The following CCBE1 variants were observed in gnomAD, a reference collection of about 807,000 sequenced individuals.
The protein encoded by CCBE1 is collagen and calcium-binding EGF domain-containing protein 1.
A neutral mutation model predicts 50.0 loss-of-function variants in CCBE1; 37 were observed. The ratio of observed to expected loss-of-function variants is 0.74; its 90% CI spans 0.57 to 0.97. CCBE1 has a LOEUF of 0.97. Among genes scored for constraint, CCBE1 ranks in the 50% least tolerant of loss-of-function variants. The pLI, the probability that CCBE1 is intolerant of heterozygous loss-of-function variation, is 0.00. For synonymous variants in CCBE1, 234 were observed against 203.7 expected (o/e 1.15, Z -1.27); for missense variants, 538 against 523.8 (o/e 1.03, Z -0.26).
intron 2 of CCBE1, among the ~76,000 whole-genome samples, chr18:59,541,944 A>G (rs1024679871): frequency 1.3e-5 from 2 of 152,142 alleles, no homozygotes; most frequent in African/African-American, 4.8e-5. Context: ...TGGGAGGCTG[A>G]AGTGGGTGGA....
chr18:59,673,756 G>C (rs930037667), intron 2 of CCBE1, among the ~76,000 whole-genome samples: 2 of 152,176 alleles, frequency 1.3e-5, no homozygotes, highest in Non-Finnish European at 2.9e-5. Flanking sequence ...ATTGATTTGC[G>C]TATGTTGAAC....
chr18:59,606,100 G>A (rs572986557), intron 2 of CCBE1, among the ~76,000 whole-genome samples: 1 of 152,312 alleles, frequency 6.6e-6, no homozygotes, highest in Non-Finnish European at 1.5e-5. Context: ...GTCAAAACAA[G>A]TCATGTTTTC....
At chr18:59,439,432 A>AC in intron 9 of CCBE1, 111 bp downstream of exon 9, 1 of 1,316,592 alleles carries the variant, frequency 7.6e-7, no homozygotes, top group East Asian at 2.3e-5. Flanking sequence ...GTGCCATTGC[A>AC]CTCCAGCCTG....
chr18:59,518,953 T>C (rs1914486761), intron 2 of CCBE1, among the ~76,000 whole-genome samples: 1 of 152,196 alleles, frequency 6.6e-6, no homozygotes, highest in South Asian at 2.1e-4. Flanking sequence ...CCAGCTGGAT[T>C]AAGCTCCAGA....
intron 2 of CCBE1, among the ~76,000 whole-genome samples, chr18:59,630,253 A>G (rs1303344732): frequency 7.2e-6 from 1 of 138,002 alleles, no homozygotes; most frequent in African/African-American, 2.9e-5. Context: ...TAAATTTATT[A>G]TTTGAAAGCC....
At chr18:59,483,304 A>G (rs1212137829) in intron 2 of CCBE1, among the ~76,000 whole-genome samples, 2 of 152,250 alleles carry the variant, frequency 1.3e-5, no homozygotes, top group Non-Finnish European at 2.9e-5. Flanking sequence ...TGATTTTATT[A>G]CAGGTTGAGT....
At chr18:59,536,686 T>C (rs1915261887) in intron 2 of CCBE1, among the ~76,000 whole-genome samples, 1 of 151,916 alleles carries the variant, frequency 6.6e-6, no homozygotes, top group Non-Finnish European at 1.5e-5. Flanking sequence ...TGACACTAAG[T>C]CAAGAAAATA....
chr18:59,622,363 G>A (rs184572328), intron 2 of CCBE1, among the ~76,000 whole-genome samples: 1 of 152,292 alleles, frequency 6.6e-6, no homozygotes, highest in African/African-American at 2.4e-5. Context: ...GGGTGTGGTG[G>A]CGGGTGCCTG....
At chr18:59,523,005 A>AAAAAAAAAAAAAAAAAAAC (rs1914672638) in intron 2 of CCBE1, among the ~76,000 whole-genome samples, 1 of 151,060 alleles carries the variant, frequency 6.6e-6, no homozygotes, top group Non-Finnish European at 1.5e-5. Context: ...AAAAAAAAAA[A>AAAAAAAAAAAAAAAAAAAC]AAAAAAAATT....
intron 2 of CCBE1, among the ~76,000 whole-genome samples, chr18:59,683,322 T>C (rs1449981416): frequency 6.6e-6 from 1 of 152,218 alleles, no homozygotes; most frequent in Non-Finnish European, 1.5e-5. Flanking sequence ...GGTCAATCTG[T>C]GCTAGCAAAT....
intron 2 of CCBE1, among the ~76,000 whole-genome samples, chr18:59,597,344 G>T (rs1228422692): frequency 6.6e-6 from 1 of 152,226 alleles, no homozygotes; most frequent in African/African-American, 2.4e-5. Context: ...ACGTAATGCG[G>T]AGTCAGGAAA....
intron 2 of CCBE1, among the ~76,000 whole-genome samples, chr18:59,517,309 A>G (rs7239796): frequency 0.35 from 53,179 of 152,094 alleles, 10,025 homozygotes; most frequent in Middle Eastern, 0.48. Context: ...TTTGTAAGGA[A>G]TCCTGGGTAT....
chr18:59,502,370 A>G (rs1265800973), intron 2 of CCBE1, among the ~76,000 whole-genome samples: 1 of 152,152 alleles, frequency 6.6e-6, no homozygotes, highest in Non-Finnish European at 1.5e-5. Flanking sequence ...TAAGAGTCAT[A>G]TGTGTGTCAT....
At chr18:59,650,661 CCTCT>C (rs2054115233) in intron 2 of CCBE1, among the ~76,000 whole-genome samples, 1 of 151,268 alleles carries the variant, frequency 6.6e-6, no homozygotes, top group Admixed American at 6.6e-5. Flanking sequence ...CGCACTTCTC[CCTCT>C]AAGTCTCTCT....
At chr18:59,576,914 T>C (rs1366642402) in intron 2 of CCBE1, among the ~76,000 whole-genome samples, 3 of 152,216 alleles carry the variant, frequency 2.0e-5, no homozygotes, top group African/African-American at 7.2e-5. Context: ...AGATGTTTTT[T>C]CTGACTCCTC....
intron 3 of CCBE1, among the ~76,000 whole-genome samples, chr18:59,472,930 T>G (rs186428209): frequency 2.1e-4 from 32 of 152,306 alleles, no homozygotes; most frequent in Non-Finnish European, 4.3e-4. Flanking sequence ...AACTCTCATT[T>G]ATAAAACCAT....
In CCBE1 at chr18:59,697,399, C is replaced by G. The variant is rs1317804064; in HGVS notation, c.-57G>C. 6.6e-7 allele frequency: 1 copy of G among 1,518,372 alleles called. No homozygotes were observed. The highest frequency in any genetic ancestry group is 1.4e-5 in the African/African-American group (1 of 71,892). 94.1% of individuals were successfully genotyped at this position (1,518,372 alleles called of 1,614,324 possible). On this transcript the variant is annotated 5_prime_UTR_variant, in exon 1 of 11. Coordinates refer to ENST00000439986, the MANE Select transcript of CCBE1 (RefSeq NM_133459.4). ...AGCTCCGTCCGGACCAAGCGTCCTGCTCCTCCGCGGCCGCCGCCGCCTTCC... is the reference window on the plus strand; with the variant it reads ...AGCTCCGTCCGGACCAAGCGTCCTGGTCCTCCGCGGCCGCCGCCGCCTTCC...
chr18:59,560,816 C>T (rs1433946986), intron 2 of CCBE1, among the ~76,000 whole-genome samples: 2 of 152,154 alleles, frequency 1.3e-5, no homozygotes, highest in Admixed American at 6.5e-5. Flanking sequence ...AACGACTCCC[C>T]GGACAGGGAC....
intron 2 of CCBE1, among the ~76,000 whole-genome samples, chr18:59,654,568 G>A (rs1331976837): frequency 1.3e-5 from 2 of 152,130 alleles, no homozygotes; most frequent in Non-Finnish European, 2.9e-5. Flanking sequence ...AGGTTGCAGT[G>A]AGCCGAGATC....
Sources: allele counts gnomAD v4.1 joint callset (sites outside exome capture counted in the v4.1 genomes callset), GRCh38; gene constraint gnomAD v4.1.1; transcripts MANE v1.5; gene names NCBI Gene and HGNC (gene_info 2026-07-23, HGNC 2026-07-21).